A1CF: variants seen among roughly 807,000 people sequenced by gnomAD.
A1CF encodes the protein APOBEC1 complementation factor.
A neutral mutation model predicts 68.9 loss-of-function variants in A1CF; 48 were observed. That is an observed-to-expected ratio of 0.70 (90% CI 0.55 to 0.89). A1CF has a LOEUF of 0.89. A1CF is among the 40% of genes least tolerant of loss of function. The pLI is 0.00. For missense variants in A1CF, 653 were observed against 718.9 expected (o/e 0.91, Z 1.05); for synonymous variants, 272 against 260.4 (o/e 1.04, Z -0.43).
intron 12 of A1CF, among the ~76,000 whole-genome samples, chr10:50,807,267 T>G (rs1465060303): frequency 6.6e-6 from 1 of 152,166 alleles, no homozygotes; most frequent in Admixed American, 6.5e-5. Flanking sequence ...AGGGGCTGGC[T>G]GGGCATGGTA....
chr10:50,845,626 G>A (rs934799173), intron 3 of A1CF, among the ~76,000 whole-genome samples: 4 of 152,150 alleles, frequency 2.6e-5, no homozygotes, highest in African/African-American at 7.2e-5. Flanking sequence ...CCTTTGATAC[G>A]TGGAAGCCAC....
intron 3 of A1CF, among the ~76,000 whole-genome samples, chr10:50,849,939 G>A (rs184315198): frequency 1.3e-5 from 2 of 152,122 alleles, no homozygotes; most frequent in Admixed American, 1.3e-4. Flanking sequence ...GACTACAGGC[G>A]CCTGCAACCA....
chr10:50,817,018 G>A (rs1838406043), intron 8 of A1CF, among the ~76,000 whole-genome samples: 1 of 152,188 alleles, frequency 6.6e-6, no homozygotes, highest in Non-Finnish European at 1.5e-5. Context: ...CTCAGATCAT[G>A]CACTGCTTAA....
At chr10:50,842,331 A>G (rs921853498) in intron 4 of A1CF, among the ~76,000 whole-genome samples, 3 of 152,226 alleles carry the variant, frequency 2.0e-5, no homozygotes, top group East Asian at 1.9e-4. Context: ...ACATTTTATC[A>G]TAAGTACAGT....
chr10:50,869,656 A>G (rs1841157427), intron 1 of A1CF, among the ~76,000 whole-genome samples: 1 of 152,200 alleles, frequency 6.6e-6, no homozygotes, highest in Non-Finnish European at 1.5e-5. Context: ...GATACAGTAC[A>G]GCTAATCAAA....
chr10:50,875,826 C>T (rs892923819), intron 1 of A1CF, among the ~76,000 whole-genome samples: 29 of 152,158 alleles, frequency 1.9e-4, no homozygotes, highest in Admixed American at 1.8e-3. Flanking sequence ...ATCAATCTCC[C>T]TAAAATATTC....
chr10:50,864,980 C>T (rs1306691387), intron 1 of A1CF, among the ~76,000 whole-genome samples: 1 of 152,030 alleles, frequency 6.6e-6, no homozygotes, highest in Non-Finnish European at 1.5e-5. Context: ...GCTATCTGAG[C>T]CTGTTTCTTT....
chr10:50,852,475 G>T (rs1396300477), intron 3 of A1CF, among the ~76,000 whole-genome samples: 1 of 152,118 alleles, frequency 6.6e-6, no homozygotes, highest in Non-Finnish European at 1.5e-5. Context: ...TTGGCCTGTG[G>T]GTGGCTGGGG....
chr10:50,809,406 C>T (rs1356799220), intron 12 of A1CF, among the ~76,000 whole-genome samples: 4 of 152,008 alleles, frequency 2.6e-5, no homozygotes, highest in African/African-American at 9.7e-5. Context: ...AGCTAATTGC[C>T]AGTGGCCAAA....
At chr10:50,878,657 T>C (rs553118212) in intron 1 of A1CF, among the ~76,000 whole-genome samples, 106 of 152,306 alleles carry the variant, frequency 7.0e-4, no homozygotes, top group African/African-American at 2.4e-3. Context: ...ATAGAAAGGA[T>C]TTGATTTTAC....
At chr10:50,819,516 T>A (rs1838539240) in intron 8 of A1CF, among the ~76,000 whole-genome samples, 1 of 152,186 alleles carries the variant, frequency 6.6e-6, no homozygotes, top group Non-Finnish European at 1.5e-5. Context: ...TCCAGAATGC[T>A]GTGAGCCCCA....
At chr10:50,834,871 T>G (rs1280150088) in intron 6 of A1CF, among the ~76,000 whole-genome samples, 1 of 152,164 alleles carries the variant, frequency 6.6e-6, no homozygotes, top group Non-Finnish European at 1.5e-5. Flanking sequence ...AGTGGTGGCC[T>G]AAGAACAGGA....
chr10:50,809,778 G>A, intron 12 of A1CF, 116 bp downstream of exon 12: 2 of 1,454,176 alleles, frequency 1.4e-6, no homozygotes, highest in South Asian at 2.6e-5. Context: ...CCAAGGTTGT[G>A]CAAGTCAGAT....
chr10:50,880,583 C>T (rs993472944), intron 1 of A1CF, among the ~76,000 whole-genome samples: 3 of 152,062 alleles, frequency 2.0e-5, no homozygotes, highest in South Asian at 2.1e-4. Flanking sequence ...CACAGTTTTC[C>T]CCCCATGGAA....
chr10:50,844,104 A>G lies in A1CF; in HGVS notation c.118T>C (p.Tyr40His). Reference protein sequence around the residue: ...SLVQENGQRKYGGPPPGWDAA... With the variant: ...SLVQENGQRKHGGPPPGWDAA... The stretch of plus-strand genomic sequence containing the variant: ...TCCCAACCAGGTGGAGGGCCACCAT[A>G]TTTTCTTTGTCCATTTTCCTGCAAA... The change falls in exon 4 of 13, where the codon TAT becomes CAT. Residue 40 changes from tyrosine (Y) to histidine (H), a missense_variant. Transcript: ENST00000373997. The G allele has an allele frequency of 6.2e-7, 1 of 1,611,826 alleles. No homozygotes were observed. The highest frequency in any genetic ancestry group is 1.1e-5 in the South Asian group (1 of 90,374).
At chr10:50,883,708 C>A (rs1375675505) in intron 1 of A1CF, among the ~76,000 whole-genome samples, 1 of 152,162 alleles carries the variant, frequency 6.6e-6, no homozygotes, top group African/African-American at 2.4e-5. Flanking sequence ...GCCCAGGAAA[C>A]AAAACGTTGC....
intron 1 of A1CF, among the ~76,000 whole-genome samples, chr10:50,874,371 T>A (rs1841408222): frequency 6.6e-6 from 1 of 152,244 alleles, no homozygotes; most frequent in African/African-American, 2.4e-5. Flanking sequence ...AAAGTGGATT[T>A]TATAAAGGTA....
At chr10:50,834,210 A>G (rs1032242827) in intron 6 of A1CF, among the ~76,000 whole-genome samples, 1 of 152,138 alleles carries the variant, frequency 6.6e-6, no homozygotes, top group Non-Finnish European at 1.5e-5. Context: ...ACTGTCTTTC[A>G]CTTGTTTTGG....
chr10:50,821,948 C>G (rs1038869771), intron 7 of A1CF, among the ~76,000 whole-genome samples: 7 of 152,120 alleles, frequency 4.6e-5, no homozygotes, highest in Non-Finnish European at 7.4e-5. Context: ...TATAAATACA[C>G]TCATACAGAA....
Sources: allele counts gnomAD v4.1 joint callset (sites outside exome capture counted in the v4.1 genomes callset), GRCh38; gene constraint gnomAD v4.1.1; transcripts MANE v1.5; gene names NCBI Gene and HGNC (gene_info 2026-07-23, HGNC 2026-07-21).